The following COQ8A variants were observed in gnomAD, a reference collection of about 807,000 sequenced individuals.
The protein encoded by COQ8A is atypical kinase COQ8A, mitochondrial.
COQ8A carries 51 observed loss-of-function variants against 65.0 expected under a neutral mutation model. The observed-to-expected ratio is 0.78, with a 90% CI of 0.63 to 0.99. The LOEUF is 0.99. Among genes scored for constraint, COQ8A ranks in the 50% least tolerant of loss-of-function variants. COQ8A has a pLI of 0.00. For synonymous variants in COQ8A, 371 were observed against 353.2 expected, an observed-to-expected ratio of 1.05 and a Z score of -0.57; for missense variants, 940 against 875.0, an observed-to-expected ratio of 1.07 and a Z score of -0.94.
chr1:226,944,692 TGAGAGAGAGAGAGAGA>T lies in COQ8A; in HGVS notation c.-10+4335_-10+4350del, dbSNP rs1174520293. ...CAGCATCCTTTGAGGAGTTGTACCC[TGAGAGAGAGAGAGAGA>T]GAGAGAGAGAGAGAGAGAGAGAGAG... On this transcript the variant is annotated intron_variant, in intron 1 of 14. Coordinates refer to ENST00000366777, the MANE Select transcript of COQ8A (RefSeq NM_020247.5). Among the ~76,000 whole-genome samples, 701 of 86,528 alleles carry T rather than the reference TGAGAGAGAGAGAGAGA, an allele frequency of 8.1e-3. 1 individual carries two copies. The highest frequency in any genetic ancestry group is 9.1e-3 in the Non-Finnish European group (393 of 43,400). The allele number at this position is 86,528 out of a possible 152,430, so 56.8% of individuals were successfully genotyped here.
chr1:226,984,036 G>GT (rs1659899889), intron 10 of COQ8A, 58 bp from the exon 11 acceptor site: 33 of 1,399,734 alleles, frequency 2.4e-5, no homozygotes, highest in Non-Finnish European at 2.9e-5. Flanking sequence ...GGTGTGTGTG[G>GT]GGGGGGGGAC....
rs1462235722 is a variant in COQ8A, at chr1:226,982,279, G to C, written c.853+130G>C. ...GTGAGCAGGCTGGGGAGAGATCTTA[G>C]AAGATAATAGGCCTGGTCTCCAGAC... On this transcript the variant is annotated intron_variant, in intron 6 of 14. Coordinates refer to ENST00000366777, the MANE Select transcript of COQ8A (RefSeq NM_020247.5). 5.2e-6 allele frequency: 7 copies of C among 1,344,678 alleles called. No individual in the cohort carries two copies. In the East Asian group the frequency reaches 1.3e-4, roughly 24 times the overall value. 83.3% of individuals were successfully genotyped at this position (1,344,678 alleles called of 1,614,324 possible).
intron 5 of COQ8A, among the ~76,000 whole-genome samples, chr1:226,979,809 G>A (rs1422951559): frequency 6.6e-6 from 1 of 152,210 alleles, no homozygotes; most frequent in Non-Finnish European, 1.5e-5. Flanking sequence ...GGAGGGCTTA[G>A]CAAGGGTATT....
rs779161798 is a variant in COQ8A at position 226,986,744 on chromosome 1, G to A, written c.*7G>A. On this transcript the variant is annotated 3_prime_UTR_variant, in exon 15 of 15. Coordinates refer to ENST00000366777, the MANE Select transcript of COQ8A (RefSeq NM_020247.5). Reference sequence around the variant, plus strand: ...GAGGCAGGCCCAGCAGTAGGGCTGCGGGCCACGCCCAGGCCGGCTCCGCGG... The same window carrying A: ...GAGGCAGGCCCAGCAGTAGGGCTGCAGGCCACGCCCAGGCCGGCTCCGCGG... 66 of 1,611,516 alleles carry A rather than the reference G, an allele frequency of 4.1e-5. 1 individual carries two copies. Among genetic ancestry groups the A allele is most frequent in the South Asian group, 1.6e-4 (15 of 91,000 alleles).
At chr1:226,954,164 TG>T (rs1657549774) in intron 1 of COQ8A, among the ~76,000 whole-genome samples, 1 of 152,270 alleles carries the variant, frequency 6.6e-6, no homozygotes, top group African/African-American at 2.4e-5. Flanking sequence ...TGAGAGCCTT[TG>T]GAGGTCTGCT....
intron 5 of COQ8A, 83 bp from the exon 6 acceptor site, chr1:226,981,944 C>T (rs1025970853): frequency 1.6e-5 from 25 of 1,592,576 alleles, no homozygotes; most frequent in Non-Finnish European, 2.2e-5. Context: ...ATTGTCTGAG[C>T]CTCCGTCTGT....
intron 1 of COQ8A, among the ~76,000 whole-genome samples, chr1:226,942,072 T>C (rs1225556187): frequency 1.1e-4 from 17 of 152,012 alleles, no homozygotes; most frequent in Non-Finnish European, 2.2e-4. Context: ...CTAGCACCGC[T>C]CCCCACCCCT....
chr1:226,947,158 T>A (rs1336696607), intron 1 of COQ8A, among the ~76,000 whole-genome samples: 1 of 152,210 alleles, frequency 6.6e-6, no homozygotes, highest in Non-Finnish European at 1.5e-5. Context: ...TGATGTCTCA[T>A]ATTGAGTGAC....
intron 1 of COQ8A, among the ~76,000 whole-genome samples, chr1:226,957,440 A>C (rs1657872017): frequency 6.6e-6 from 1 of 152,184 alleles, no homozygotes; most frequent in Admixed American, 6.5e-5. Flanking sequence ...TAGAACAGAC[A>C]CCATGCTTTG....
chr1:226,965,076 A>G lies in COQ8A; in HGVS notation c.254A>G (p.His85Arg). 1 of 1,613,962 alleles carries G rather than the reference A, an allele frequency of 6.2e-7. No individual in the cohort carries two copies. The highest frequency in any genetic ancestry group is 1.1e-5 in the South Asian group (1 of 91,088). ...GGGGAGTTCCACTTCTCAGTCCCGC[A>G]TGCAGCCGGAGCCTCCACAGACTTC... is the stretch of plus-strand genomic sequence containing the variant. ...PEGEFHFSVP[H>R]AAGASTDFSS... is the part of the protein sequence containing the mutation. The change falls in exon 3 of 15, where the codon CAT becomes CGT. Residue 85 changes from histidine (H) to arginine (R), a missense_variant. Transcript: ENST00000366777.
At chr1:226,978,262 G>C (rs796960898) in intron 5 of COQ8A, among the ~76,000 whole-genome samples, 1 of 71,432 alleles carries the variant, frequency 1.4e-5, no homozygotes. Context: ...CACAGCCTCC[G>C]CACCCACTGA....
rs574264034 is a variant in COQ8A at position 226,976,499 on chromosome 1, G to A, written c.656-950G>A. On this transcript the variant is annotated intron_variant, in intron 4 of 14. Transcript: ENST00000366777. Reference sequence around the variant, plus strand: ...GCTCTCCGAGGCCGGCTCATCGTGCGGCCGCTCTGGTCTCAGCCCTGCCGG... The same window carrying A: ...GCTCTCCGAGGCCGGCTCATCGTGCAGCCGCTCTGGTCTCAGCCCTGCCGG... Among the ~76,000 whole-genome samples the A allele has an allele frequency of 1.1e-4, 16 of 152,296 alleles. 1 individual carries two copies. The East Asian group carries it at 2.1e-3, about 20-fold the overall frequency.
intron 5 of COQ8A, among the ~76,000 whole-genome samples, chr1:226,978,820 A>G (rs1463284867): frequency 3.1e-5 from 3 of 95,896 alleles, no homozygotes; most frequent in Non-Finnish European, 4.8e-5. Context: ...CACACCCTCC[A>G]TGCACACACC....
chr1:226,982,614 G>A lies in COQ8A; in HGVS notation c.854-64G>A, dbSNP rs566170798. 32 of 1,564,118 alleles carry A rather than the reference G, an allele frequency of 2.0e-5. No homozygotes were observed. In the African/African-American group the frequency reaches 2.8e-4, roughly 14 times the overall value. ...GCCAGGGCATCCCAGGAGTGTGCCC[G>A]CCCAGGTCCTGGGCGCACACTTTAA... On this transcript the variant is annotated intron_variant, in intron 6 of 14. Coordinates refer to ENST00000366777, the MANE Select transcript of COQ8A (RefSeq NM_020247.5).
In COQ8A at chr1:226,986,909, G is replaced by A. The variant is rs1321479078; in HGVS notation, c.*172G>A. ...CCACGGTTTCTGTTGCTAAATGGTT[G>A]TAGGGTGAGAAGTGCAAGAATGAAG... On this transcript the variant is annotated 3_prime_UTR_variant, in exon 15 of 15. Transcript: ENST00000366777. 5.1e-6 allele frequency: 4 copies of A among 787,840 alleles called. No homozygotes were observed. Among genetic ancestry groups the A allele is most frequent in the South Asian group, 1.7e-5 (1 of 57,808 alleles). The allele number at this position is 787,840 out of a possible 1,614,324, so 48.8% of individuals were successfully genotyped here.
Position 226,983,813 on chromosome 1 carries a change from G to A in COQ8A, c.1215G>A (p.Glu405=), listed in dbSNP as rs149048093. Residue 405 remains glutamate (E), a synonymous_variant, in exon 10 of 15, where the codon GAG becomes GAA. Transcript: ENST00000366777. The stretch of plus-strand genomic sequence containing the variant: ...TGCTGAGGCGGGAGCTGGCCCTGGA[G>A]TGTGACTACCAGCGAGAGGCCGCCT... ...IDVLRRELAL[E]CDYQREAACA... The A allele has an allele frequency of 1.1e-4, 185 of 1,612,278 alleles. No individual in the cohort carries two copies. The highest frequency in any genetic ancestry group is 1.4e-4 in the Non-Finnish European group (166 of 1,179,992).
In COQ8A at chr1:226,987,106, C is replaced by G. The variant is rs927851238; in HGVS notation, c.*369C>G. ...TCAGTGCAAAACCCAGAAACATGAACAGATACGATTGTGGGATTTTATCAT... is the reference window on the plus strand; with the variant it reads ...TCAGTGCAAAACCCAGAAACATGAAGAGATACGATTGTGGGATTTTATCAT... On this transcript the variant is annotated 3_prime_UTR_variant, in exon 15 of 15. Coordinates refer to ENST00000366777, the MANE Select transcript of COQ8A (RefSeq NM_020247.5). 16 of 308,088 alleles carry G rather than the reference C, an allele frequency of 5.2e-5. No individual in the cohort carries two copies. Among genetic ancestry groups the G allele is most frequent in the Non-Finnish European group, 9.4e-5 (15 of 160,340 alleles). The allele number at this position is 308,088 out of a possible 1,614,324, so 19.1% of individuals were successfully genotyped here. A position where few individuals can be genotyped will look rare whatever the true frequency, so the allele number is the denominator to read the frequency against.
rs200203954 is a variant in COQ8A at position 226,978,648 on chromosome 1, T to TACAC, written c.730+1127_730+1128insACAC. On this transcript the variant is annotated intron_variant, in intron 5 of 14. Coordinates refer to ENST00000366777, the MANE Select transcript of COQ8A (RefSeq NM_020247.5). ...CACTCCACACACCCGCCCACCTCCTTACCCTCCACACACCTGCCCACCTCC... is the reference window on the plus strand; with the variant it reads ...CACTCCACACACCCGCCCACCTCCTTACACACCCTCCACACACCTGCCCACCTCC... 2.2e-4 allele frequency among the ~76,000 whole-genome samples: 10 copies of TACAC among 45,744 alleles called. 3 individuals are homozygous for TACAC. The highest frequency in any genetic ancestry group is 5.6e-4 in the East Asian group (1 of 1,780). 30.0% of individuals were successfully genotyped at this position (45,744 alleles called of 152,430 possible). A position where few individuals can be genotyped will look rare whatever the true frequency, so the allele number is the denominator to read the frequency against.
At chr1:226,970,445 A>T (rs1049622005) in intron 4 of COQ8A, among the ~76,000 whole-genome samples, 1 of 152,238 alleles carries the variant, frequency 6.6e-6, no homozygotes, top group African/African-American at 2.4e-5. Flanking sequence ...AATACAGTAG[A>T]TAACTGTAAT....
Sources: allele counts gnomAD v4.1 joint callset (sites outside exome capture counted in the v4.1 genomes callset), GRCh38; gene constraint gnomAD v4.1.1; transcripts MANE v1.5; gene names NCBI Gene and HGNC (gene_info 2026-07-23, HGNC 2026-07-21).